DACH2: variants seen among roughly 807,000 people sequenced by gnomAD.
DACH2 encodes dachshund homolog 2.
Under a neutral mutation model 35.8 loss-of-function variants are expected in DACH2, and 17 were observed. The ratio of observed to expected loss-of-function variants is 0.48; its 90% CI spans 0.33 to 0.71. The LOEUF (loss-of-function observed/expected upper bound fraction) is 0.71, where lower values mean the gene tolerates loss of function less well. DACH2 is among the 30% of genes least tolerant of loss of function. The pLI is 0.02. For missense variants in DACH2, 469 were observed against 472.7 expected (o/e 0.99, Z 0.07); for synonymous variants, 195 against 177.3 (o/e 1.10, Z -0.79).
chrX:86,206,986 A>C (rs1243714717), intron 1 of DACH2, among the ~76,000 whole-genome samples: 1 of 111,887 alleles, frequency 8.9e-6, no homozygotes, highest in Non-Finnish European at 1.9e-5. Flanking sequence ...TTAACATCAT[A>C]AAGCAGTGAT....
intron 3 of DACH2, among the ~76,000 whole-genome samples, chrX:86,642,394 C>T (rs2040357943): frequency 9.0e-6 from 1 of 111,698 alleles, no homozygotes; most frequent in South Asian, 3.7e-4. Context: ...TTCAATTCAA[C>T]AAGAAGAGCT....
chrX:86,398,173 T>C (rs1247561423), intron 2 of DACH2, among the ~76,000 whole-genome samples: 3 of 111,430 alleles, frequency 2.7e-5, no homozygotes, highest in East Asian at 5.7e-4. Context: ...AGTTTATTTG[T>C]GTAGAGATGT....
At chrX:86,498,280 T>C (rs2038200908) in intron 2 of DACH2, among the ~76,000 whole-genome samples, 1 of 111,968 alleles carries the variant, frequency 8.9e-6, no homozygotes, top group African/African-American at 3.2e-5. Flanking sequence ...AAATATGTGA[T>C]AAACTAATTC....
At chrX:86,376,982 G>C in intron 2 of DACH2, 120 bp downstream of exon 2, 1 of 313,647 alleles carries the variant, frequency 3.2e-6, no homozygotes, top group African/African-American at 2.7e-5. Flanking sequence ...TAGGAAAGTA[G>C]AGCCATTTGA....
intron 2 of DACH2, among the ~76,000 whole-genome samples, chrX:86,403,291 A>C (rs1318722041): frequency 8.9e-6 from 1 of 112,109 alleles, no homozygotes; most frequent in Admixed American, 9.5e-5. Flanking sequence ...TGCATCTGTC[A>C]AAGGTCTAAT....
intron 3 of DACH2, among the ~76,000 whole-genome samples, chrX:86,607,674 A>G (rs1185288994): frequency 5.6e-5 from 6 of 106,315 alleles, no homozygotes; most frequent in African/African-American, 1.0e-4. Context: ...TACATGTGCC[A>G]TGCTGGTGCG....
chrX:86,343,688 T>G (rs1298243739), intron 1 of DACH2, among the ~76,000 whole-genome samples: 2 of 111,630 alleles, frequency 1.8e-5, no homozygotes, highest in African/African-American at 6.5e-5. Flanking sequence ...AGGTCTTTAT[T>G]AAGGATTTGG....
intron 4 of DACH2, among the ~76,000 whole-genome samples, chrX:86,679,379 G>A (rs1036405904): frequency 1.8e-5 from 2 of 111,412 alleles, no homozygotes; most frequent in East Asian, 2.8e-4. Context: ...CTTTGAGCTC[G>A]GATGTGTGCT....
In DACH2 at chrX:86,814,804, A is replaced by G. The variant is rs370133274; in HGVS notation, c.1654A>G (p.Thr552Ala). ...QVEQALKQAT[T>A]SDSGLRMLKD... ...GGAGCAGGCACTTAAGCAAGCCACCACTAGTGACAGTGGCCTGAGGATGTT... is the reference window on the plus strand; with the variant it reads ...GGAGCAGGCACTTAAGCAAGCCACCGCTAGTGACAGTGGCCTGAGGATGTT... The change falls in exon 10 of 12, where the codon ACT becomes GCT. Residue 552 changes from threonine (T) to alanine (A), a missense_variant. This residue lies in a region of DACH2 where 363 missense variants were observed against 334.4 expected (regional missense o/e 1.09). Transcript: ENST00000373125. 2.7e-5 allele frequency: 33 copies of G among 1,209,127 alleles called. No homozygotes were observed. The African/African-American group carries it at 2.8e-4, about 10-fold the overall frequency.
intron 2 of DACH2, among the ~76,000 whole-genome samples, chrX:86,413,429 TACTC>T (rs2036648317): frequency 8.9e-6 from 1 of 111,911 alleles, no homozygotes; most frequent in Non-Finnish European, 1.9e-5. Context: ...TGTGTTAACT[TACTC>T]AAGCAATGAA....
intron 3 of DACH2, among the ~76,000 whole-genome samples, chrX:86,520,438 T>A (rs984790294): frequency 1.8e-5 from 2 of 111,583 alleles, no homozygotes; most frequent in African/African-American, 6.5e-5. Flanking sequence ...CAAAGTTGAA[T>A]TAAGGTCTTG....
intron 1 of DACH2, among the ~76,000 whole-genome samples, chrX:86,229,429 G>A (rs367672438): frequency 9.0e-6 from 1 of 111,299 alleles, no homozygotes; most frequent in Middle Eastern, 4.2e-3. Context: ...CTTTTTGCTC[G>A]GTCTTGCTTT....
chrX:86,247,035 T>C (rs6623600), intron 1 of DACH2, among the ~76,000 whole-genome samples: 46,991 of 110,212 alleles, frequency 0.43, 7,302 homozygotes, highest in East Asian at 0.74. Context: ...CTTTTTAATT[T>C]CAGACAAAAC....
intron 1 of DACH2, among the ~76,000 whole-genome samples, chrX:86,242,224 A>C: frequency 8.9e-6 from 1 of 112,385 alleles, no homozygotes; most frequent in Non-Finnish European, 1.9e-5. Flanking sequence ...GAAAGCAGCC[A>C]AAGGTGCTGT....
At chrX:86,676,515 T>C (rs2040826936) in intron 4 of DACH2, among the ~76,000 whole-genome samples, 1 of 111,866 alleles carries the variant, frequency 8.9e-6, no homozygotes. Flanking sequence ...AATAGAACTT[T>C]CTGCGATGAT....
intron 2 of DACH2, among the ~76,000 whole-genome samples, chrX:86,504,135 A>C (rs756489029): frequency 2.2e-4 from 24 of 110,356 alleles, no homozygotes; most frequent in Middle Eastern, 4.6e-3. Flanking sequence ...GAAGGATTTT[A>C]GAGAGAGGAG....
intron 1 of DACH2, among the ~76,000 whole-genome samples, chrX:86,310,965 G>T (rs1013463942): frequency 7.2e-5 from 8 of 111,453 alleles, no homozygotes; most frequent in Non-Finnish European, 1.1e-4. Context: ...TGGAGGTTAT[G>T]CATGGGCTCA....
intron 4 of DACH2, among the ~76,000 whole-genome samples, chrX:86,662,816 A>T (rs2040621690): frequency 9.0e-6 from 1 of 111,378 alleles, no homozygotes; most frequent in Non-Finnish European, 1.9e-5. Context: ...ATTATGCCTA[A>T]ATCTTAAACC....
intron 1 of DACH2, among the ~76,000 whole-genome samples, chrX:86,177,295 G>T (rs780479301): frequency 1.1e-4 from 12 of 111,709 alleles, no homozygotes; most frequent in Admixed American, 1.9e-4. Flanking sequence ...GCTTCATAAT[G>T]CATTCAAAGT....
Sources: gnomAD v4.1 joint callset for allele counts (sites outside exome capture counted in the v4.1 genomes callset) on GRCh38, gnomAD v4.1.1 for gene constraint, gnomAD v4.1.1 regional missense constraint, MANE v1.5 for transcripts, NCBI Gene and HGNC (gene_info 2026-07-23, HGNC 2026-07-21) for gene names.